Variants in LRRC4C observed in about 807,000 individuals in gnomAD.
LRRC4C encodes the protein leucine-rich repeat-containing protein 4C.
A neutral mutation model predicts 33.6 loss-of-function variants in LRRC4C; 5 were observed. That is an observed-to-expected ratio of 0.15 (90% CI 0.08 to 0.31). LRRC4C has a LOEUF of 0.31. LRRC4C is among the 10% of genes least tolerant of loss of function. The pLI, the probability that LRRC4C is intolerant of heterozygous loss-of-function variation, is 1.00. For missense variants in LRRC4C, 560 were observed against 796.7 expected (o/e 0.70, Z 3.58); for synonymous variants, 329 against 302.0 (o/e 1.09, Z -0.93).
At chr11:40,531,917 G>T (rs1956287106) in intron 3 of LRRC4C, among the ~76,000 whole-genome samples, 1 of 150,554 alleles carries the variant, frequency 6.6e-6, no homozygotes, top group Admixed American at 6.7e-5. Context: ...GATTTTATAA[G>T]AAAGGATTTT....
chr11:40,998,935 G>C (rs1209298940), intron 1 of LRRC4C, among the ~76,000 whole-genome samples: 1 of 152,054 alleles, frequency 6.6e-6, no homozygotes, highest in Non-Finnish European at 1.5e-5. Context: ...CATCATCTAT[G>C]TATGTATTAA....
At chr11:40,360,987 G>A (rs573540784) in intron 3 of LRRC4C, among the ~76,000 whole-genome samples, 1 of 152,174 alleles carries the variant, frequency 6.6e-6, no homozygotes, top group Admixed American at 6.5e-5. Context: ...AAAAACTAAA[G>A]ATAAAAATCA....
At chr11:40,463,900 C>T (rs528551981) in intron 3 of LRRC4C, among the ~76,000 whole-genome samples, 11 of 152,088 alleles carry the variant, frequency 7.2e-5, no homozygotes, top group Admixed American at 2.0e-4. Context: ...GGCACTCCAC[C>T]GAATTCTATT....
chr11:40,438,690 C>T (rs781602152), intron 3 of LRRC4C, among the ~76,000 whole-genome samples: 1 of 152,050 alleles, frequency 6.6e-6, no homozygotes, highest in African/African-American at 2.4e-5. Flanking sequence ...TGAATTTGGG[C>T]CCATCATAAA....
chr11:41,304,966 G>T (rs866900995), intron 1 of LRRC4C, among the ~76,000 whole-genome samples: 6 of 119,270 alleles, frequency 5.0e-5, no homozygotes, highest in African/African-American at 1.9e-4. Context: ...CGGGAGGTGA[G>T]GGGCGCCTCT....
chr11:40,229,776 C>G (rs1278139404), intron 5 of LRRC4C, among the ~76,000 whole-genome samples: 1 of 152,158 alleles, frequency 6.6e-6, no homozygotes, highest in Non-Finnish European at 1.5e-5. Context: ...GCAAGGGGGA[C>G]TGGCTGAACC....
At chr11:40,209,510 T>G (rs1863419840) in intron 5 of LRRC4C, among the ~76,000 whole-genome samples, 1 of 152,190 alleles carries the variant, frequency 6.6e-6, no homozygotes, top group Non-Finnish European at 1.5e-5. Context: ...CATTAGCCTC[T>G]TTTTTGATGG....
chr11:41,251,554 A>G (rs913960988), intron 1 of LRRC4C, among the ~76,000 whole-genome samples: 1 of 152,198 alleles, frequency 6.6e-6, no homozygotes, highest in Admixed American at 6.5e-5. Flanking sequence ...TAATAGAAGT[A>G]TTTTTGGAAA....
At chr11:41,284,445 C>T (rs986398562) in intron 1 of LRRC4C, among the ~76,000 whole-genome samples, 1 of 152,132 alleles carries the variant, frequency 6.6e-6, no homozygotes, top group African/African-American at 2.4e-5. Context: ...CACTTATGCA[C>T]TTTCCTTTTC....
chr11:41,159,171 T>A (rs1944357699), intron 1 of LRRC4C, among the ~76,000 whole-genome samples: 1 of 152,070 alleles, frequency 6.6e-6, no homozygotes, highest in East Asian at 1.9e-4. Flanking sequence ...GCACTTTTAG[T>A]CCTAGCTATT....
At chr11:40,442,672 C>T (rs909816976) in intron 3 of LRRC4C, among the ~76,000 whole-genome samples, 2 of 152,084 alleles carry the variant, frequency 1.3e-5, no homozygotes, top group East Asian at 1.9e-4. Context: ...AAATTTTAGA[C>T]CTGAAGGTAA....
intron 1 of LRRC4C, among the ~76,000 whole-genome samples, chr11:41,445,164 A>C (rs1955781667): frequency 6.6e-6 from 1 of 152,158 alleles, no homozygotes; most frequent in East Asian, 1.9e-4. Flanking sequence ...TCAAAACTAG[A>C]AGAAAGGAAG....
At chr11:40,769,045 C>T (rs1401686326) in intron 2 of LRRC4C, among the ~76,000 whole-genome samples, 3 of 151,892 alleles carry the variant, frequency 2.0e-5, no homozygotes, top group Admixed American at 6.6e-5. Flanking sequence ...GTCAAATTAT[C>T]GTTGTTTGTG....
At chr11:40,337,049 G>A (rs530719328) in intron 3 of LRRC4C, among the ~76,000 whole-genome samples, 222 of 148,762 alleles carry the variant, frequency 1.5e-3, no homozygotes, top group Non-Finnish European at 2.5e-3. Flanking sequence ...GGTCAGGGAC[G>A]TCCTCACCAA....
chr11:40,650,704 C>G (rs1385028098), intron 2 of LRRC4C, among the ~76,000 whole-genome samples: 1 of 152,130 alleles, frequency 6.6e-6, no homozygotes, highest in Non-Finnish European at 1.5e-5. Flanking sequence ...ACTCTTTTAA[C>G]TAAGTTTAAC....
intron 2 of LRRC4C, among the ~76,000 whole-genome samples, chr11:40,719,801 A>T (rs1946918360): frequency 6.6e-6 from 1 of 152,190 alleles, no homozygotes; most frequent in South Asian, 2.1e-4. Flanking sequence ...AGCTTTGTGG[A>T]TATTCAGTGG....
intron 1 of LRRC4C, among the ~76,000 whole-genome samples, chr11:40,936,361 G>A (rs575832675): frequency 2.0e-3 from 232 of 115,894 alleles, no homozygotes; most frequent in Middle Eastern, 7.2e-3. Flanking sequence ...TTTTTGAGAT[G>A]GAGTCTCACT....
intron 1 of LRRC4C, among the ~76,000 whole-genome samples, chr11:41,104,778 G>A (rs1011092236): frequency 4.0e-5 from 6 of 151,898 alleles, no homozygotes; most frequent in African/African-American, 1.4e-4. Context: ...TATTTGTCAG[G>A]AATAAAGTAC....
At chr11:40,703,704 C>T (rs1484729630) in intron 2 of LRRC4C, among the ~76,000 whole-genome samples, 1 of 152,130 alleles carries the variant, frequency 6.6e-6, no homozygotes, top group African/African-American at 2.4e-5. Context: ...AAAGCAAGTC[C>T]TACTAGTCAT....
Sources: allele counts gnomAD v4.1 joint callset (sites outside exome capture counted in the v4.1 genomes callset), GRCh38; gene constraint gnomAD v4.1.1; transcripts MANE v1.5; gene names NCBI Gene and HGNC (gene_info 2026-07-23, HGNC 2026-07-21).